ARAP1: variants seen among roughly 807,000 people sequenced by gnomAD.
ARAP1 encodes ArfGAP with RhoGAP domain, ankyrin repeat and PH domain 1, also known as arf-GAP with Rho-GAP domain, ANK repeat and PH domain-containing protein 1.
ARAP1 carries 76 observed loss-of-function variants against 172.2 expected under a neutral mutation model. The ratio of observed to expected loss-of-function variants is 0.44; its 90% CI spans 0.37 to 0.53. The LOEUF (loss-of-function observed/expected upper bound fraction) is 0.53. Ranked by LOEUF, ARAP1 falls within the 20% of genes least tolerant of loss-of-function variation. The pLI is 0.00. For missense variants in ARAP1, 1,686 were observed against 1,977.5 expected, an observed-to-expected ratio of 0.85 and a Z score of 2.80; for synonymous variants, 804 against 803.3, an observed-to-expected ratio of 1.00 and a Z score of -0.01.
In ARAP1 at chr11:72,692,753, G is replaced by A. The variant is rs138824946; in HGVS notation, c.3987C>T (p.Thr1329=). 4.5e-5 allele frequency: 73 copies of A among 1,613,802 alleles called. No homozygotes were observed. The African/African-American group carries it at 8.1e-4, about 18-fold the overall frequency. ...SQRPWSGAPE[T]SHRPEKEWPI... ...TGGCAGTCAGCCCACAGCTACTCAC[G>A]GTCTCAGGGGCCCCGCTCCACGGCC... Residue 1329 remains threonine (T), a splice_region_variant and synonymous_variant, in exon 30 of 35, where the codon ACC becomes ACT. Transcript: ENST00000393609.
At chr11:72,698,884 T>C in intron 18 of ARAP1, 121 bp downstream of exon 18, 1 of 1,048,604 alleles carries the variant, frequency 9.5e-7, no homozygotes, top group Admixed American at 1.8e-5. Flanking sequence ...GCTCCATGTC[T>C]GCTGCCCTGC....
chr11:72,697,782 G>T, intron 19 of ARAP1, 129 bp downstream of exon 19: 1 of 1,504,880 alleles, frequency 6.6e-7, no homozygotes, highest in Non-Finnish European at 9.0e-7. Context: ...GCACCCCAAG[G>T]ACATGAGAGG....
intron 27 of ARAP1, among the ~76,000 whole-genome samples, chr11:72,694,420 G>A (rs192896126): frequency 6.6e-6 from 1 of 151,822 alleles, no homozygotes; most frequent in African/African-American, 2.4e-5. Context: ...CCTTGAAAGG[G>A]CTGTGCCTCT....
At chr11:72,692,832 G>A (rs1169684972) in intron 29 of ARAP1, 47 bp from the exon 30 acceptor site, 3 of 1,609,570 alleles carry the variant, frequency 1.9e-6, no homozygotes, top group Non-Finnish European at 2.5e-6. Flanking sequence ...CAGGTCTAGA[G>A]CCAGGACAGC....
At chr11:72,707,095 C>A in intron 12 of ARAP1, 80 bp downstream of exon 12, 2 of 1,404,540 alleles carry the variant, frequency 1.4e-6, no homozygotes, top group Non-Finnish European at 1.9e-6. Context: ...TCCAGGCCCT[C>A]CTCCAGATAG....
chr11:72,691,816 G>C (rs753530117), intron 30 of ARAP1, among the ~76,000 whole-genome samples: 10 of 152,166 alleles, frequency 6.6e-5, no homozygotes, highest in Non-Finnish European at 1.5e-4. Context: ...TGGTACCAGG[G>C]ACCAGTTCTG....
At chr11:72,751,445 G>A (rs1343476426) in intron 1 of ARAP1, among the ~76,000 whole-genome samples, 2 of 151,998 alleles carry the variant, frequency 1.3e-5, no homozygotes, top group East Asian at 1.9e-4. Flanking sequence ...GCTCTGCTGG[G>A]CTCCTTCTAC....
rs767595466 is a variant in ARAP1, at chr11:72,710,632, C to G, written c.1214-45G>C. On this transcript the variant is annotated intron_variant, in intron 9 of 34. Transcript: ENST00000393609. This position sits in a 1 kb window ranked among gnomAD's most constrained non-coding sequence, Gnocchi z 4.3. ...GAGTAAGCCCAAGGTTGCAGGGAGC[C>G]CCTCAGGGGTCTCCTGGCCCTAGGC... is the stretch of plus-strand genomic sequence containing the variant. The G allele has an allele frequency of 6.5e-7, 1 of 1,543,794 alleles. No individual in the cohort carries two copies.
rs781739241 is a variant in ARAP1, at chr11:72,713,273, G to T, written c.680-30C>A. The T allele has an allele frequency of 2.2e-5, 35 of 1,607,716 alleles. No individual in the cohort carries two copies. The South Asian group carries it at 3.5e-4, about 16-fold the overall frequency. On this transcript the variant is annotated intron_variant, in intron 4 of 34. Transcript: ENST00000393609. ...TGAGAGAGGGGTTGGGGGGCCTCAG[G>T]GCAAGGGGCCTGGCCTCCTCTCCTG...
At chr11:72,687,974 G>A (rs922498644) in intron 31 of ARAP1, among the ~76,000 whole-genome samples, 4 of 150,412 alleles carry the variant, frequency 2.7e-5, no homozygotes, top group African/African-American at 9.8e-5. Context: ...TAGGAATGGG[G>A]TGACACCTGA....
At chr11:72,709,793 C>A in intron 11 of ARAP1, 77 bp downstream of exon 11, 1 of 1,487,212 alleles carries the variant, frequency 6.7e-7, no homozygotes, top group South Asian at 1.1e-5. Context: ...TAGGAAGGGG[C>A]AGCTTCCCAC....
At chr11:72,728,453 C>T (rs973238686) in intron 2 of ARAP1, among the ~76,000 whole-genome samples, 5 of 151,956 alleles carry the variant, frequency 3.3e-5, no homozygotes, top group African/African-American at 1.2e-4. Flanking sequence ...TGGTGGCATG[C>T]GCCTGTAGTC....
chr11:72,752,369 G>C lies in ARAP1; in HGVS notation c.-169C>G, dbSNP rs1289575829. The C allele has an allele frequency of 2.0e-5, 3 of 152,382 alleles. No individual in the cohort carries two copies. The highest frequency in any genetic ancestry group is 4.4e-5 in the Non-Finnish European group (3 of 68,156). The allele number at this position is 152,382 out of a possible 1,614,324, so 9.4% of individuals were successfully genotyped here. ...CTCCACGCGGGGACCAGGCGTACCG[G>C]CGCCGCCACCGACTTACACCGCCAC... On this transcript the variant is annotated 5_prime_UTR_variant, in exon 1 of 35. Transcript: ENST00000393609.
In ARAP1 at chr11:72,695,038, C is replaced by T. The variant is rs376080692; in HGVS notation, c.3636G>A (p.Val1212=). 2.6e-5 allele frequency: 42 copies of T among 1,614,030 alleles called. No individual in the cohort carries two copies. Among genetic ancestry groups the T allele is most frequent in the Non-Finnish European group, 3.6e-5 (42 of 1,180,030 alleles). ...LTLEILDRRN[V]GIREKDYWTC... ...TCCAATAGTCCTTCTCCCTGATGCC[C>T]ACGTTCCGGCGATCCAGGATCTCCA... The change falls in exon 27 of 35, where the codon GTG becomes GTA. Residue 1212 remains valine (V), a synonymous_variant. Transcript: ENST00000393609. The surrounding 1 kb of genome is among the most constrained non-coding windows in gnomAD (Gnocchi z 4.4).
intron 2 of ARAP1, among the ~76,000 whole-genome samples, chr11:72,728,095 CTGT>C (rs965434221): frequency 1.3e-5 from 2 of 152,192 alleles, no homozygotes; most frequent in African/African-American, 4.8e-5. Context: ...ATCCATTTTA[CTGT>C]TGTTATTATT....
Position 72,714,240 on chromosome 11 carries a change from G to C in ARAP1, c.591C>G (p.Thr197=). 6.5e-7 allele frequency: 1 copy of C among 1,527,004 alleles called. No individual in the cohort carries two copies. Among genetic ancestry groups the C allele is most frequent in the Non-Finnish European group, 8.8e-7 (1 of 1,139,976 alleles). The allele number at this position is 1,527,004 out of a possible 1,614,324, so 94.6% of individuals were successfully genotyped here. ...PQPQSEEPLS[T]LPQGPPQPPS... ...GAGGCTGGGGAGGCCCCTGGGGGAG[G>C]GTGGACAGGGGCTCCTCAGACTGTG... is the stretch of plus-strand genomic sequence containing the variant. The change falls in exon 4 of 35, where the codon ACC becomes ACG. Residue 197 remains threonine, a synonymous_variant. Coordinates refer to ENST00000393609, the MANE Select transcript of ARAP1 (RefSeq NM_001040118.3).
At chr11:72,732,314 C>T (rs916171263) in intron 2 of ARAP1, among the ~76,000 whole-genome samples, 1 of 152,210 alleles carries the variant, frequency 6.6e-6, no homozygotes, top group Non-Finnish European at 1.5e-5. Flanking sequence ...CTCGTACCCC[C>T]ACCCTGTTCC....
chr11:72,747,383 G>T (rs1027645470), intron 1 of ARAP1, among the ~76,000 whole-genome samples: 9 of 152,170 alleles, frequency 5.9e-5, no homozygotes. Flanking sequence ...CTAGAACCAT[G>T]TTTCCAGGGT....
intron 3 of ARAP1, among the ~76,000 whole-genome samples, chr11:72,724,013 C>T (rs1857612260): frequency 6.6e-6 from 1 of 152,210 alleles, no homozygotes; most frequent in South Asian, 2.1e-4. Context: ...GTCTCCACCA[C>T]AGCAGTAATT....
Sources: allele counts gnomAD v4.1 joint callset (sites outside exome capture counted in the v4.1 genomes callset), GRCh38; gene constraint gnomAD v4.1.1; non-coding constraint Gnocchi (gnomAD v3.1); transcripts MANE v1.5; gene names NCBI Gene and HGNC (gene_info 2026-07-23, HGNC 2026-07-21).